The following TIMELESS variants were observed in gnomAD, a reference collection of about 807,000 sequenced individuals.
The protein encoded by TIMELESS is protein timeless homolog.
A neutral mutation model predicts 164.3 loss-of-function variants in TIMELESS; 124 were observed. The ratio of observed to expected loss-of-function variants is 0.75; its 90% CI spans 0.65 to 0.88. The LOEUF is 0.88. Among genes scored for constraint, TIMELESS ranks in the 40% least tolerant of loss-of-function variants. TIMELESS has a pLI of 0.00. For missense variants in TIMELESS, 1,422 were observed against 1,491.4 expected (o/e 0.95, Z 0.77); for synonymous variants, 564 against 563.4 (o/e 1.00, Z -0.02).
intron 1 of TIMELESS, among the ~76,000 whole-genome samples, chr12:56,442,080 T>A (rs1868281933): frequency 8.5e-5 from 3 of 35,212 alleles, no homozygotes; most frequent in African/African-American, 2.6e-4. Context: ...TGAGACTCCG[T>A]CTCAAAAAAA....
At chr12:56,442,874 A>C (rs1370166886) in intron 1 of TIMELESS, among the ~76,000 whole-genome samples, 7 of 152,240 alleles carry the variant, frequency 4.6e-5, no homozygotes, top group Non-Finnish European at 8.8e-5. Flanking sequence ...TCTTTACTGC[A>C]ATCTGTGAAC....
intron 19 of TIMELESS, 38 bp downstream of exon 19, chr12:56,422,809 C>T: frequency 7.0e-7 from 1 of 1,424,668 alleles, no homozygotes; most frequent in Non-Finnish European, 9.7e-7. Context: ...ATCAAACTTC[C>T]CCTACCCCCA....
chr12:56,445,790 G>C (rs371066384), intron 1 of TIMELESS, among the ~76,000 whole-genome samples: 2 of 151,772 alleles, frequency 1.3e-5, no homozygotes, highest in African/African-American at 4.8e-5. Flanking sequence ...ACTTCCTTAA[G>C]TTCTTCTATC....
In TIMELESS at chr12:56,431,535, G is replaced by C. The variant is rs1483541945; in HGVS notation, c.757C>G (p.Leu253Val). ...ATCTCTCGCTGGCGCAACACCTCCA[G>C]TTCTGCAAAATCTGCACTCCGCTCC... is the stretch of plus-strand genomic sequence containing the variant. ...AQERSADFAELEVLRQREMAE... is the reference protein window; with the variant it reads ...AQERSADFAEVEVLRQREMAE... Residue 253 changes from leucine to valine, a missense_variant, in exon 8 of 29, where the codon CTG becomes GTG. By Grantham distance (32) the Leu-to-Val change is conservative. Transcript: ENST00000553532. The C allele has an allele frequency of 6.2e-7, 1 of 1,613,698 alleles. No individual in the cohort carries two copies. Among genetic ancestry groups the C allele is most frequent in the Non-Finnish European group, 8.5e-7 (1 of 1,179,968 alleles).
chr12:56,431,091 C>T (rs960855379), intron 8 of TIMELESS, 123 bp from the exon 9 acceptor site: 26 of 614,266 alleles, frequency 4.2e-5, no homozygotes, highest in East Asian at 3.5e-4. Context: ...CGGTGGCTCA[C>T]GCCTATAATC....
chr12:56,441,973 C>G (rs973001714), intron 1 of TIMELESS, among the ~76,000 whole-genome samples: 2 of 150,228 alleles, frequency 1.3e-5, no homozygotes, highest in Admixed American at 6.7e-5. Flanking sequence ...AATCCCAGCT[C>G]CTCGGGAGGC....
intron 1 of TIMELESS, among the ~76,000 whole-genome samples, chr12:56,435,487 T>C (rs1176681720): frequency 6.6e-6 from 1 of 152,098 alleles, no homozygotes; most frequent in Non-Finnish European, 1.5e-5. Flanking sequence ...GCCTCCTGAG[T>C]AGCTATGACT....
Position 56,424,898 on chromosome 12 carries a change from T to G in TIMELESS, c.1732A>C (p.Met578Leu). 6.2e-7 allele frequency: 1 copy of G among 1,614,176 alleles called. No individual in the cohort carries two copies. The highest frequency in any genetic ancestry group is 8.5e-7 in the Non-Finnish European group (1 of 1,180,042). The change falls in exon 15 of 29, where the codon ATG becomes CTG. Residue 578 changes from methionine to leucine, a missense_variant. Transcript: ENST00000553532. ...QCCAQNSELS[M>L]DSVVPFDAAS... ...GCATCAAAGGGAACCACGGAGTCCA[T>G]GCTGAGCTCAGAATTCTAGAGATGG... is the stretch of plus-strand genomic sequence containing the variant.
rs1354980926 is a variant in TIMELESS at position 56,431,338 on chromosome 12, G to A, written c.821+133C>T. On this transcript the variant is annotated intron_variant, in intron 8 of 28. Transcript: ENST00000553532. Reference sequence around the variant, plus strand: ...CAGTGCACTCCAGCCTGGGCGACAAGAGCAAAATTCTGTCTCAAAAAAAAA... The same window carrying A: ...CAGTGCACTCCAGCCTGGGCGACAAAAGCAAAATTCTGTCTCAAAAAAAAA... 1.2e-5 allele frequency: 14 copies of A among 1,164,402 alleles called. No homozygotes were observed. The African/African-American group carries it at 1.8e-4, about 15-fold the overall frequency. The allele number at this position is 1,164,402 out of a possible 1,614,324, so 72.1% of individuals were successfully genotyped here.
At position 56,421,124 on chromosome 12, in the gene TIMELESS, G is replaced by C. The variant is rs374201861; in HGVS notation, c.2879C>G (p.Ala960Gly). 3 of 1,613,874 alleles carry C rather than the reference G, an allele frequency of 1.9e-6. No homozygotes were observed. The highest frequency in any genetic ancestry group is 2.5e-6 in the Non-Finnish European group (3 of 1,180,004). The part of the protein sequence containing the change: ...KLASSILPNG[A>G]ESLKDFCQED... ...CTGGCAAAAATCTTTCAGGGACTCC[G>C]CTCCATTTGGCTAAAATTCATTGGG... The change falls in exon 24 of 29, where the codon GCG becomes GGG. Residue 960 changes from alanine to glycine, a missense_variant. Transcript: ENST00000553532.
rs142095518 is a variant in TIMELESS, at chr12:56,436,518, A to T, written c.-61-2287T>A. On this transcript the variant is annotated intron_variant, in intron 1 of 28. Coordinates refer to ENST00000553532, the MANE Select transcript of TIMELESS (RefSeq NM_003920.5). ...TCAGTAGAAAGGAATGTTTAATATT[A>T]GCGTAAGTTAGTTAAGGAAGTCTGC... Among the ~76,000 whole-genome samples, 14 of 152,308 alleles carry T rather than the reference A, an allele frequency of 9.2e-5. No homozygotes were observed. In the East Asian group the frequency reaches 1.4e-3, roughly 15 times the overall value.
At chr12:56,427,577 G>C (rs1881718842) in intron 13 of TIMELESS, among the ~76,000 whole-genome samples, 1 of 151,850 alleles carries the variant, frequency 6.6e-6, no homozygotes, top group South Asian at 2.1e-4. Flanking sequence ...TCAATTTAAG[G>C]CTCTCTTTGT....
At chr12:56,432,186 G>A (rs1219687935) in intron 7 of TIMELESS, among the ~76,000 whole-genome samples, 183 bp downstream of exon 7, 1 of 152,122 alleles carries the variant, frequency 6.6e-6, no homozygotes, top group Non-Finnish European at 1.5e-5. Context: ...GGTTGACTGT[G>A]AGTAACTGAA....
intron 1 of TIMELESS, among the ~76,000 whole-genome samples, chr12:56,441,571 G>A (rs1166887089): frequency 2.0e-5 from 3 of 152,096 alleles, no homozygotes; most frequent in Non-Finnish European, 4.4e-5. Flanking sequence ...AAGTTGCAAC[G>A]AGCTGAAATT....
At chr12:56,438,982 G>A (rs1172111863) in intron 1 of TIMELESS, among the ~76,000 whole-genome samples, 1 of 151,014 alleles carries the variant, frequency 6.6e-6, no homozygotes, top group East Asian at 2.0e-4. Flanking sequence ...TGGCCAACAT[G>A]GTGAAACCCT....
chr12:56,419,210 T>C (rs770470765), intron 26 of TIMELESS, among the ~76,000 whole-genome samples: 3 of 152,046 alleles, frequency 2.0e-5, no homozygotes, highest in Non-Finnish European at 4.4e-5. Context: ...CAGGCTGGTC[T>C]TGAACTCCTG....
intron 13 of TIMELESS, 110 bp downstream of exon 13, chr12:56,428,126 C>A: frequency 9.2e-7 from 1 of 1,082,554 alleles, no homozygotes; most frequent in East Asian, 2.5e-5. Flanking sequence ...TGTCGTAGTT[C>A]AGAGCACGTT....
chr12:56,440,067 T>C (rs1040540507), intron 1 of TIMELESS, among the ~76,000 whole-genome samples: 3 of 151,912 alleles, frequency 2.0e-5, no homozygotes, highest in African/African-American at 7.2e-5. Context: ...CTTGGAGGCA[T>C]TAAAATGCAA....
intron 1 of TIMELESS, among the ~76,000 whole-genome samples, chr12:56,437,789 C>T (rs113364800): frequency 2.0e-5 from 3 of 152,160 alleles, no homozygotes; most frequent in East Asian, 1.9e-4. Flanking sequence ...ATGATGACCC[C>T]GTATGATAAT....
Sources: allele counts gnomAD v4.1 joint callset (sites outside exome capture counted in the v4.1 genomes callset), GRCh38; gene constraint gnomAD v4.1.1; transcripts MANE v1.5; gene names NCBI Gene and HGNC (gene_info 2026-07-23, HGNC 2026-07-21).